Variants in SLC38A4 observed in about 807,000 individuals in gnomAD.
SLC38A4 encodes the protein sodium-coupled neutral amino acid transporter 4.
Under a neutral mutation model 63.1 loss-of-function variants are expected in SLC38A4, and 20 were observed. The ratio of observed to expected loss-of-function variants is 0.32; its 90% CI spans 0.22 to 0.46. SLC38A4 has a LOEUF of 0.46. SLC38A4 is among the 20% of genes least tolerant of loss of function. The pLI is 1.00. For missense variants in SLC38A4, 526 were observed against 663.6 expected, an observed-to-expected ratio of 0.79 and a Z score of 2.28; for synonymous variants, 230 against 225.5, an observed-to-expected ratio of 1.02 and a Z score of -0.18.
At chr12:46,808,306 G>A (rs1049306529) in intron 1 of SLC38A4, among the ~76,000 whole-genome samples, 2 of 151,964 alleles carry the variant, frequency 1.3e-5, no homozygotes, top group Non-Finnish European at 2.9e-5. Context: ...AAGTTTTGAG[G>A]AAATTGCTTA....
chr12:46,791,817 G>C (rs139101141), intron 3 of SLC38A4, among the ~76,000 whole-genome samples: 28 of 152,172 alleles, frequency 1.8e-4, no homozygotes, highest in African/African-American at 6.3e-4. Context: ...ATTTGGAAAA[G>C]GCTGCATAGG....
chr12:46,785,832 G>A (rs1938751053), intron 5 of SLC38A4, among the ~76,000 whole-genome samples: 1 of 142,790 alleles, frequency 7.0e-6, no homozygotes, highest in South Asian at 2.2e-4. Context: ...TATACGGATT[G>A]GTATTTTTCC....
At chr12:46,803,069 T>C (rs1004694305) in intron 2 of SLC38A4, among the ~76,000 whole-genome samples, 2 of 152,056 alleles carry the variant, frequency 1.3e-5, no homozygotes, top group African/African-American at 4.8e-5. Context: ...ACAACATTTT[T>C]TCTTTTTCAT....
intron 1 of SLC38A4, among the ~76,000 whole-genome samples, chr12:46,812,781 C>A (rs1939364870): frequency 6.6e-6 from 1 of 151,898 alleles, no homozygotes; most frequent in Non-Finnish European, 1.5e-5. Flanking sequence ...TTAACAATGT[C>A]AATAAGTAGT....
At chr12:46,832,415 G>A (rs1939744066), upstream of SLC38A4, 1 of 151,962 alleles carries the variant, frequency 6.6e-6, no homozygotes, top group African/African-American at 2.4e-5. Context: ...TTTTCTTTTC[G>A]CCTTTCTAAA....
At chr12:46,798,377 G>A (rs2120849277) in intron 2 of SLC38A4, among the ~76,000 whole-genome samples, 1 of 152,242 alleles carries the variant, frequency 6.6e-6, no homozygotes, top group African/African-American at 2.4e-5. Flanking sequence ...AATCCACCGT[G>A]TTCTCTACAT....
chr12:46,832,062 G>T, intron 1 of SLC38A4, among the ~76,000 whole-genome samples: 1 of 152,170 alleles, frequency 6.6e-6, no homozygotes, highest in South Asian at 2.1e-4. Context: ...CCTAGTTTAC[G>T]TTATTTCTAG....
intron 5 of SLC38A4, among the ~76,000 whole-genome samples, chr12:46,787,023 G>A (rs941700322): frequency 3.9e-5 from 6 of 152,192 alleles, no homozygotes; most frequent in African/African-American, 1.2e-4. Flanking sequence ...ATGCCAGGCT[G>A]TACATGATGC....
At chr12:46,779,198 T>C (rs1166299726) in intron 10 of SLC38A4, among the ~76,000 whole-genome samples, 2 of 151,942 alleles carry the variant, frequency 1.3e-5, no homozygotes, top group African/African-American at 4.8e-5. Flanking sequence ...GAGAGGAGGA[T>C]TTCTTCTTTA....
chr12:46,797,902 C>A (rs10161209), intron 2 of SLC38A4, among the ~76,000 whole-genome samples: 17,714 of 152,142 alleles, frequency 0.12, 1,695 homozygotes, highest in African/African-American at 0.27. Flanking sequence ...TCCAATTATT[C>A]AAGTCAAAAG....
chr12:46,824,600 A>G (rs1285401867), intron 1 of SLC38A4, among the ~76,000 whole-genome samples: 3 of 152,346 alleles, frequency 2.0e-5, no homozygotes, highest in Non-Finnish European at 2.9e-5. Flanking sequence ...CATCTACTCA[A>G]TAACTTGCAT....
intron 1 of SLC38A4, among the ~76,000 whole-genome samples, chr12:46,818,497 AG>A (rs1233008873): frequency 6.6e-6 from 1 of 151,848 alleles, no homozygotes; most frequent in Non-Finnish European, 1.5e-5. Context: ...CCAAAGTGAA[AG>A]GTCTGATTAC....
In SLC38A4 at chr12:46,822,887, A is replaced by C. The variant is rs1301227515; in HGVS notation, c.-305+3016T>G. On this transcript the variant is annotated intron_variant, in intron 1 of 16. Coordinates refer to ENST00000266579, the MANE Select transcript of SLC38A4 (RefSeq NM_018018.5). ...AATGGAAAGCATTATATTTGGTTTA[A>C]TTCTTCAATGTGGGTACCATGATAA... Among the ~76,000 whole-genome samples the C allele has an allele frequency of 2.0e-5, 3 of 152,232 alleles. No individual in the cohort carries two copies. The East Asian group carries it at 5.8e-4, about 29-fold the overall frequency.
chr12:46,828,387 T>C (rs949886857), upstream of SLC38A4, among the ~76,000 whole-genome samples: 21 of 152,208 alleles, frequency 1.4e-4, no homozygotes, highest in Non-Finnish European at 2.1e-4. Context: ...AGTGGCATGA[T>C]CTTGGCTCAC....
At chr12:46,766,975 G>C (rs1273420252) in intron 16 of SLC38A4, among the ~76,000 whole-genome samples, 173 bp from the exon 17 acceptor site, 2 of 151,936 alleles carry the variant, frequency 1.3e-5, no homozygotes, top group Admixed American at 6.6e-5. Flanking sequence ...GTTGAAGAAA[G>C]AAGAGGAATA....
chr12:46,803,888 T>C (rs1351362280), intron 1 of SLC38A4, 94 bp from the exon 2 acceptor site: 1 of 152,074 alleles, frequency 6.6e-6, no homozygotes, highest in Non-Finnish European at 1.5e-5. Context: ...TTTTAGAATT[T>C]TGGCTTTCAT....
At chr12:46,779,727 T>C (rs1938600000) in intron 9 of SLC38A4, 53 bp downstream of exon 9, 1 of 1,584,316 alleles carries the variant, frequency 6.3e-7, no homozygotes. Flanking sequence ...TTAGCTAACC[T>C]ATTTAAATGT....
chr12:46,772,567 A>T (rs1938441446), intron 14 of SLC38A4, among the ~76,000 whole-genome samples: 1 of 152,098 alleles, frequency 6.6e-6, no homozygotes, highest in Non-Finnish European at 1.5e-5. Context: ...CTACTAAGAG[A>T]GAAAGAAATG....
chr12:46,804,026 C>A (rs909584530), intron 1 of SLC38A4, among the ~76,000 whole-genome samples: 14 of 151,912 alleles, frequency 9.2e-5, no homozygotes, highest in Non-Finnish European at 1.8e-4. Flanking sequence ...GAAGTCAAAG[C>A]AAAACAATAC....
Sources: allele counts gnomAD v4.1 joint callset (sites outside exome capture counted in the v4.1 genomes callset), GRCh38; gene constraint gnomAD v4.1.1; transcripts MANE v1.5; gene names NCBI Gene and HGNC (gene_info 2026-07-23, HGNC 2026-07-21).